The following PTPRD variants were observed in gnomAD, a reference collection of about 807,000 sequenced individuals.
PTPRD encodes receptor-type tyrosine-protein phosphatase delta.
A neutral mutation model predicts 214.5 loss-of-function variants in PTPRD; 34 were observed. The ratio of observed to expected loss-of-function variants is 0.16; its 90% CI spans 0.12 to 0.21. The LOEUF (loss-of-function observed/expected upper bound fraction) is 0.21. PTPRD is among the 10% of genes least tolerant of loss of function. The pLI, the probability that PTPRD is intolerant of heterozygous loss-of-function variation, is 1.00. For synonymous variants in PTPRD, 1,128 were observed against 845.7 expected (o/e 1.33, Z -5.79); for missense variants, 2,545 against 2,398.7 (o/e 1.06, Z -1.27).
At chr9:8,507,149 G>T (rs1249537191) in intron 22 of PTPRD, 152 bp downstream of exon 22, 5 of 788,714 alleles carry the variant, frequency 6.3e-6, no homozygotes, top group Admixed American at 3.5e-5. Flanking sequence ...TCTTGGGGGG[G>T]AGGGGGAGTC....
At chr9:9,393,804 T>C (rs533457123) in intron 9 of PTPRD, among the ~76,000 whole-genome samples, 1 of 152,144 alleles carries the variant, frequency 6.6e-6, no homozygotes, top group Non-Finnish European at 1.5e-5. Flanking sequence ...ATAAATAATT[T>C]AGCACAAGGC....
chr9:8,838,526 T>C (rs770812425), intron 11 of PTPRD, among the ~76,000 whole-genome samples: 1 of 151,730 alleles, frequency 6.6e-6, no homozygotes, highest in Non-Finnish European at 1.5e-5. Flanking sequence ...CACTGAACTT[T>C]GTAATATTTT....
chr9:8,661,490 T>C (rs2097051836), intron 12 of PTPRD, among the ~76,000 whole-genome samples: 1 of 152,050 alleles, frequency 6.6e-6, no homozygotes, highest in African/African-American at 2.4e-5. Flanking sequence ...CTAGGAACAA[T>C]AAAAGTGTTA....
chr9:8,746,583 G>C (rs979894569), intron 11 of PTPRD, among the ~76,000 whole-genome samples: 7 of 152,208 alleles, frequency 4.6e-5, no homozygotes, highest in African/African-American at 1.2e-4. Context: ...AAGCCTGCTA[G>C]CAAACTAGCT....
intron 2 of PTPRD, among the ~76,000 whole-genome samples, chr9:10,482,170 G>T (rs751145765): frequency 6.6e-6 from 1 of 152,082 alleles, no homozygotes; most frequent in Non-Finnish European, 1.5e-5. Flanking sequence ...AGGAGATTGA[G>T]ACCAGCCCGG....
At chr9:10,337,031 G>A (rs937802501) in intron 3 of PTPRD, among the ~76,000 whole-genome samples, 9 of 150,526 alleles carry the variant, frequency 6.0e-5, no homozygotes, top group African/African-American at 2.2e-4. Context: ...TGCGACTGCA[G>A]CAACTTCAGC....
intron 10 of PTPRD, among the ~76,000 whole-genome samples, chr9:9,047,430 A>C (rs970830906): frequency 3.9e-5 from 6 of 152,138 alleles, no homozygotes; most frequent in Non-Finnish European, 8.8e-5. Context: ...ACCACAAAGG[A>C]ACCAGAATAG....
At chr9:8,332,661 GATC>G (rs1564009137) in intron 43 of PTPRD, among the ~76,000 whole-genome samples, 5 of 152,048 alleles carry the variant, frequency 3.3e-5, no homozygotes, top group African/African-American at 1.2e-4. Context: ...CTGATCTTCT[GATC>G]CCTTGTGGAA....
intron 8 of PTPRD, among the ~76,000 whole-genome samples, chr9:9,541,376 C>G (rs543054838): frequency 8.6e-5 from 13 of 151,756 alleles, no homozygotes; most frequent in Admixed American, 2.0e-4. Flanking sequence ...ATATAGCAGT[C>G]ACATGGAGAA....
intron 10 of PTPRD, among the ~76,000 whole-genome samples, chr9:9,108,671 T>C (rs1374001230): frequency 6.6e-6 from 1 of 152,126 alleles, no homozygotes; most frequent in Non-Finnish European, 1.5e-5. Flanking sequence ...CCAAGAGTAA[T>C]ACAAATTACT....
intron 5 of PTPRD, among the ~76,000 whole-genome samples, chr9:9,934,645 G>T (rs976888836): frequency 2.0e-5 from 3 of 149,834 alleles, no homozygotes; most frequent in African/African-American, 4.9e-5. Flanking sequence ...TCTCGCAGAG[G>T]TACAAGGAGG....
chr9:9,810,740 C>A (rs548513584), intron 5 of PTPRD, among the ~76,000 whole-genome samples: 1 of 152,162 alleles, frequency 6.6e-6, no homozygotes, highest in South Asian at 2.1e-4. Context: ...ATCCATACTG[C>A]AACCCATGAA....
At chr9:8,943,707 A>G (rs2099047301) in intron 11 of PTPRD, among the ~76,000 whole-genome samples, 1 of 151,586 alleles carries the variant, frequency 6.6e-6, no homozygotes. Context: ...ATCCACATGC[A>G]GAAGAATGAA....
At chr9:9,822,526 T>TGTA (rs2051156732) in intron 5 of PTPRD, among the ~76,000 whole-genome samples, 1 of 148,266 alleles carries the variant, frequency 6.7e-6, no homozygotes, top group East Asian at 1.9e-4. Context: ...CATAATATAT[T>TGTA]ATATATAGTT....
intron 2 of PTPRD, among the ~76,000 whole-genome samples, chr9:10,455,814 C>T (rs914464882): frequency 6.6e-6 from 1 of 151,702 alleles, no homozygotes; most frequent in Admixed American, 6.6e-5. Flanking sequence ...ACTATTACTC[C>T]TACTGAATGT....
chr9:9,668,586 A>G (rs1359556514), intron 7 of PTPRD, among the ~76,000 whole-genome samples: 2 of 152,094 alleles, frequency 1.3e-5, no homozygotes, highest in Non-Finnish European at 2.9e-5. Flanking sequence ...CTTTGCTCAT[A>G]ATAGATTTGT....
intron 4 of PTPRD, among the ~76,000 whole-genome samples, chr9:10,029,644 C>T (rs1377568346): frequency 1.3e-5 from 2 of 152,202 alleles, no homozygotes; most frequent in Non-Finnish European, 2.9e-5. Flanking sequence ...TGTATTTCCC[C>T]AGTGCCTGTA....
intron 33 of PTPRD, among the ~76,000 whole-genome samples, chr9:8,456,632 A>T (rs2096213443): frequency 6.6e-6 from 1 of 152,162 alleles, no homozygotes. Flanking sequence ...GTTGATACAG[A>T]AAGAGAAGAC....
At chr9:10,418,332 T>C (rs576995222) in intron 2 of PTPRD, among the ~76,000 whole-genome samples, 1 of 151,784 alleles carries the variant, frequency 6.6e-6, no homozygotes, top group Admixed American at 6.6e-5. Context: ...CTTGGTTAAT[T>C]TTTTTAAGTA....
Sources: allele counts gnomAD v4.1 joint callset (sites outside exome capture counted in the v4.1 genomes callset), GRCh38; gene constraint gnomAD v4.1.1; transcripts MANE v1.5; gene names NCBI Gene and HGNC (gene_info 2026-07-23, HGNC 2026-07-21).